Variants in HEATR6 observed in about 807,000 individuals in gnomAD.
HEATR6 encodes HEAT repeat containing 6.
A neutral mutation model predicts 132.8 loss-of-function variants in HEATR6; 106 were observed. The ratio of observed to expected loss-of-function variants is 0.80; its 90% CI spans 0.68 to 0.94. The LOEUF (loss-of-function observed/expected upper bound fraction) is 0.94. Among genes scored for constraint, HEATR6 ranks in the 40% least tolerant of loss-of-function variants. The pLI, the probability that HEATR6 is intolerant of heterozygous loss-of-function variation, is 0.00. For missense variants in HEATR6, 1,339 were observed against 1,425.1 expected (o/e 0.94, Z 0.97); for synonymous variants, 529 against 537.8 (o/e 0.98, Z 0.23).
chr17:60,075,896 T>C (rs2083293680), intron 2 of HEATR6: 2 of 309,774 alleles, frequency 6.5e-6, no homozygotes, highest in African/African-American at 4.4e-5. Flanking sequence ...GATATTGGTT[T>C]ACTGAACCAA....
Position 60,067,485 on chromosome 17 carries a change from C to A in HEATR6, c.1187G>T (p.Ser396Ile). 1 of 1,600,248 alleles carries A rather than the reference C, an allele frequency of 6.2e-7. No individual in the cohort carries two copies. Among genetic ancestry groups the A allele is most frequent in the Non-Finnish European group, 8.5e-7 (1 of 1,174,802 alleles). Residue 396 changes from serine to isoleucine, a missense_variant, in exon 8 of 20, where the codon AGT becomes ATT. Ser to Ile is a moderately radical substitution (Grantham distance 142). Coordinates refer to ENST00000184956, the MANE Select transcript of HEATR6 (RefSeq NM_022070.5). ...FSSSSWKRVS[S>I]SESDFSDAEG... ...AGCATCAGAAAAGTCTGACTCACTA[C>A]TGCTGACCCTTTTCCAACTGGAAGA... is the stretch of plus-strand genomic sequence containing the variant.
intron 18 of HEATR6, 97 bp downstream of exon 18, chr17:60,047,212 C>G (rs1906398578): frequency 2.8e-6 from 2 of 727,234 alleles, no homozygotes; most frequent in South Asian, 4.0e-5. Flanking sequence ...TTTGGTGGGA[C>G]AGTCTGAGGA....
Position 60,043,615 on chromosome 17 carries a change from C to G in HEATR6, c.3494G>C (p.Cys1165Ser), listed in dbSNP as rs1472472620. ...MGFLEEILAV[C>S]FDSSGSQGAL... ...CCCTTGTGATCCAGATGAGTCAAAA[C>G]AAACGGCCAGGATCTCTTCTAAAAA... The change falls in exon 20 of 20, where the codon TGT (cysteine) becomes TCT (serine). Residue 1165 changes from cysteine (C) to serine (S), a missense_variant. Cys to Ser is a moderately radical substitution (Grantham distance 112). Coordinates refer to ENST00000184956, the MANE Select transcript of HEATR6 (RefSeq NM_022070.5). The G allele has an allele frequency of 6.2e-7, 1 of 1,614,092 alleles. No homozygotes were observed. Among genetic ancestry groups the G allele is most frequent in the East Asian group, 2.2e-5 (1 of 44,872 alleles).
rs771368124 is a variant in HEATR6, at chr17:60,073,804, CTG to C, written c.408_409del (p.His136GlnfsTer37). 6.2e-7 allele frequency: 1 copy of C among 1,614,124 alleles called. No homozygotes were observed. Among genetic ancestry groups the C allele is most frequent in the South Asian group, 1.1e-5 (1 of 91,082 alleles). ...AGCTGCCAGGGCTTGAAGAATTTCC[CTG>C]TGTGTCCAGGAACTACACTGATGAA... On this transcript the variant is annotated frameshift_variant, in exon 3 of 20. Transcript: ENST00000184956. LOFTEE classifies it high-confidence loss of function.
chr17:60,067,546 C>T lies in HEATR6; in HGVS notation c.1126G>A (p.Ala376Thr). Residue 376 changes from alanine (A) to threonine (T), a missense_variant, in exon 8 of 20, where the codon GCT becomes ACT. Coordinates refer to ENST00000184956, the MANE Select transcript of HEATR6 (RefSeq NM_022070.5). ...GAGGAGACTCCATCTTTTTCTGCAG[C>T]TCCACTTCCATCTAAAGGCAAACTC... ...VQSLPLDGSG[A>T]AEKDGVSSSF... The T allele has an allele frequency of 6.2e-7, 1 of 1,613,660 alleles. No individual in the cohort carries two copies. The highest frequency in any genetic ancestry group is 8.5e-7 in the Non-Finnish European group (1 of 1,179,810).
Position 60,041,764 on chromosome 17 carries a change from C to T in HEATR6, c.*1799G>A, listed in dbSNP as rs538371293. On this transcript the variant is annotated 3_prime_UTR_variant, in exon 20 of 20. Coordinates refer to ENST00000184956, the MANE Select transcript of HEATR6 (RefSeq NM_022070.5). ...TTCTGAGCAGCCAACATGTCAGAGG[C>T]AGGAAAACAGCAGCTAAAAGGCAAA... is the stretch of plus-strand genomic sequence containing the variant. Among the ~76,000 whole-genome samples the T allele has an allele frequency of 6.6e-6, 1 of 152,244 alleles. No homozygotes were observed. The highest frequency in any genetic ancestry group is 2.4e-5 in the African/African-American group (1 of 41,540).
chr17:60,074,702 G>A (rs2083288160), intron 2 of HEATR6, among the ~76,000 whole-genome samples: 1 of 152,144 alleles, frequency 6.6e-6, no homozygotes, highest in African/African-American at 2.4e-5. Flanking sequence ...AGAGAGTGGG[G>A]CAACCTGGGG....
At chr17:60,072,390 G>A in intron 4 of HEATR6, 61 bp from the exon 5 acceptor site, 1 of 877,210 alleles carries the variant, frequency 1.1e-6, no homozygotes, top group East Asian at 2.6e-5. Flanking sequence ...GCTTGCAAAA[G>A]ACTAATTAAA....
chr17:60,056,693 A>G (rs1906753722), intron 12 of HEATR6, among the ~76,000 whole-genome samples: 1 of 152,220 alleles, frequency 6.6e-6, no homozygotes, highest in African/African-American at 2.4e-5. Context: ...CAGGTACAAG[A>G]CCAAGGAAAA....
intron 15 of HEATR6, 130 bp from the exon 16 acceptor site, chr17:60,049,832 C>A: frequency 1.0e-6 from 1 of 972,362 alleles, no homozygotes; most frequent in South Asian, 1.6e-5. Flanking sequence ...GACCTTGAGG[C>A]TACCCTGGTA....
chr17:60,068,873 C>T (rs2083255852), intron 7 of HEATR6, among the ~76,000 whole-genome samples: 2 of 152,106 alleles, frequency 1.3e-5, no homozygotes, highest in Admixed American at 6.6e-5. Context: ...ATGAGAGAAA[C>T]AATAATATTG....
chr17:60,078,869 G>A lies in HEATR6; in HGVS notation c.46C>T (p.Arg16Trp), dbSNP rs1242367512. The change falls in exon 1 of 20, where the codon CGG becomes TGG. Residue 16 changes from arginine to tryptophan, a missense_variant. Transcript: ENST00000184956. ...VVGSWPSVQP[R>W]EAPREAIPER... The stretch of plus-strand genomic sequence containing the variant: ...GGGATTGCTTCCCGCGGTGCCTCCC[G>A]CGGCTGCACGGAAGGCCACGAACCG... The A allele has an allele frequency of 6.9e-7, 1 of 1,451,954 alleles. No individual in the cohort carries two copies. Among genetic ancestry groups the A allele is most frequent in the Admixed American group, 1.8e-5 (1 of 54,816 alleles). 89.9% of individuals were successfully genotyped at this position (1,451,954 alleles called of 1,614,324 possible).
At chr17:60,064,212 G>A (rs922408727) in intron 9 of HEATR6, 1 of 152,674 alleles carries the variant, frequency 6.5e-6, no homozygotes, top group Non-Finnish European at 1.5e-5. Flanking sequence ...GGGAGGCTGA[G>A]ACAGAATTGC....
chr17:60,048,570 C>T (rs971724429), intron 16 of HEATR6, among the ~76,000 whole-genome samples, 182 bp from the exon 17 acceptor site: 13 of 152,104 alleles, frequency 8.5e-5, no homozygotes, highest in African/African-American at 3.1e-4. Flanking sequence ...CAAAAAAATC[C>T]CAGGGGAAGC....
intron 11 of HEATR6, among the ~76,000 whole-genome samples, 196 bp from the exon 12 acceptor site, chr17:60,057,599 T>C (rs1038777869): frequency 6.6e-6 from 1 of 152,152 alleles, no homozygotes; most frequent in Admixed American, 6.5e-5. Flanking sequence ...ATCTGACAAA[T>C]TGAGAATGTG....
At position 60,063,623 on chromosome 17, in the gene HEATR6, T is replaced by A. The variant is rs545051400; in HGVS notation, c.1416+2586A>T. On this transcript the variant is annotated intron_variant, in intron 9 of 19. Coordinates refer to ENST00000184956, the MANE Select transcript of HEATR6 (RefSeq NM_022070.5). ...ATATTATGTTTCAATTTCCTAAAAG[T>A]AGCCTCTGTTTATTGTTGGCATTCT... The A allele has an allele frequency of 6.0e-4, 94 of 156,842 alleles. 4 individuals are homozygous for A. In the South Asian group the frequency reaches 0.018, roughly 30 times the overall value. The allele number at this position is 156,842 out of a possible 1,614,324, so 9.7% of individuals were successfully genotyped here. A position where few individuals can be genotyped will look rare whatever the true frequency, so the allele number is the denominator to read the frequency against.
At position 60,053,127 on chromosome 17, in the gene HEATR6, T is replaced by G. The variant is rs914130810; in HGVS notation, c.2290-2150A>C. 2.6e-5 allele frequency among the ~76,000 whole-genome samples: 4 copies of G among 152,172 alleles called. No individual in the cohort carries two copies. In the East Asian group the frequency reaches 7.7e-4, roughly 29 times the overall value. ...TGCAGGCAGATCCCTACTGAATGGC[T>G]TGGTGCTATCCTTGTGGTAATAAAT... is the stretch of plus-strand genomic sequence containing the variant. On this transcript the variant is annotated intron_variant, in intron 14 of 19. Coordinates refer to ENST00000184956, the MANE Select transcript of HEATR6 (RefSeq NM_022070.5).
At chr17:60,068,806 C>A (rs1023500593) in intron 7 of HEATR6, among the ~76,000 whole-genome samples, 5 of 152,136 alleles carry the variant, frequency 3.3e-5, no homozygotes, top group African/African-American at 1.2e-4. Flanking sequence ...TCCTCTTCCC[C>A]CTCCATTTAG....
At position 60,043,528 on chromosome 17, in the gene HEATR6, G is replaced by A. The variant is rs571183486; in HGVS notation, c.*35C>T. On this transcript the variant is annotated 3_prime_UTR_variant, in exon 20 of 20. Transcript: ENST00000184956. ...ATGCTCAAGCTCAGGTCTTCCTACT[G>A]CCGCCTTCGACATCTAGAAAGTATG... The A allele has an allele frequency of 2.0e-5, 31 of 1,539,314 alleles. No homozygotes were observed. In the South Asian group the frequency reaches 3.4e-4, roughly 17 times the overall value.
Sources: allele counts gnomAD v4.1 joint callset (sites outside exome capture counted in the v4.1 genomes callset), GRCh38; gene constraint gnomAD v4.1.1; transcripts MANE v1.5; gene names NCBI Gene and HGNC (gene_info 2026-07-23, HGNC 2026-07-21).